Variants in USH2A observed in about 807,000 individuals in gnomAD.
USH2A encodes usherin.
Under a neutral mutation model 538.9 loss-of-function variants are expected in USH2A, and 443 were observed. The ratio of observed to expected loss-of-function variants is 0.82; its 90% CI spans 0.76 to 0.89. The LOEUF (loss-of-function observed/expected upper bound fraction) is 0.89. USH2A is among the 40% of genes least tolerant of loss of function. The pLI, the probability that USH2A is intolerant of heterozygous loss-of-function variation, is 0.00. For synonymous variants in USH2A, 2,413 were observed against 2,273.5 expected, an observed-to-expected ratio of 1.06 and a Z score of -1.75; for missense variants, 6,633 against 6,324.8, an observed-to-expected ratio of 1.05 and a Z score of -1.65.
At chr1:215,843,986 C>A (rs911610268) in intron 46 of USH2A, among the ~76,000 whole-genome samples, 2 of 152,070 alleles carry the variant, frequency 1.3e-5, no homozygotes, top group African/African-American at 4.8e-5. Context: ...GTAAAAGATC[C>A]TGGGAAAAGG....
In USH2A at chr1:215,889,029, A is replaced by C. The variant is rs1665142264; in HGVS notation, c.7620T>G (p.Ile2540Met). The change falls in exon 41 of 72, where the codon ATT becomes ATG. Residue 2540 changes from isoleucine (I) to methionine (M), a missense_variant. Ile to Met is a conservative substitution (Grantham distance 10). Coordinates refer to ENST00000307340, the MANE Select transcript of USH2A (RefSeq NM_206933.4). ...TCATTCTTGACTTCACATCCAGAAG[A>C]ATCGGAGGAACTACAGGTCCAGGTT... ...EDKPGPVVPPILLDVKSRMML... is the reference protein window; with the variant it reads ...EDKPGPVVPPMLLDVKSRMML... 1 of 1,613,846 alleles carries C rather than the reference A, an allele frequency of 6.2e-7. No homozygotes were observed. Among genetic ancestry groups the C allele is most frequent in the South Asian group, 1.1e-5 (1 of 91,088 alleles).
chr1:216,149,244 C>A (rs968058973), intron 21 of USH2A, among the ~76,000 whole-genome samples: 1 of 152,120 alleles, frequency 6.6e-6, no homozygotes, highest in Non-Finnish European at 1.5e-5. Context: ...TAAGTAGAGG[C>A]CTTTCCTACC....
chr1:216,415,291 A>G (rs1311044910), intron 3 of USH2A, among the ~76,000 whole-genome samples: 1 of 152,084 alleles, frequency 6.6e-6, no homozygotes, highest in African/African-American at 2.4e-5. Context: ...AGGAAAACTG[A>G]GTCAAATGAC....
At chr1:215,833,067 C>G (rs571534699) in intron 47 of USH2A, among the ~76,000 whole-genome samples, 1 of 151,984 alleles carries the variant, frequency 6.6e-6, no homozygotes, top group African/African-American at 2.4e-5. Context: ...AAAGAAGATG[C>G]AAATAAATGA....
chr1:215,823,530 AT>A (rs1203649399), intron 47 of USH2A, among the ~76,000 whole-genome samples: 2 of 152,012 alleles, frequency 1.3e-5, no homozygotes, highest in Non-Finnish European at 2.9e-5. Context: ...TCTTATTTTA[AT>A]CAAATCTGGT....
intron 8 of USH2A, 146 bp from the exon 9 acceptor site, chr1:216,322,122 G>A: frequency 3.8e-6 from 3 of 797,632 alleles, no homozygotes; most frequent in South Asian, 2.9e-5. Flanking sequence ...CTCCTTAATC[G>A]TGTGGATATC....
chr1:216,009,564 A>G (rs914795794), intron 32 of USH2A, among the ~76,000 whole-genome samples: 2 of 151,972 alleles, frequency 1.3e-5, no homozygotes, highest in East Asian at 3.9e-4. Flanking sequence ...ACTCGTCCCA[A>G]ATCTTCCTTC....
At position 215,790,240 on chromosome 1, in the gene USH2A, G is replaced by A. The variant is rs1299097473; in HGVS notation, c.10001C>T (p.Thr3334Ile). 1.2e-6 allele frequency: 2 copies of A among 1,613,916 alleles called. No individual in the cohort carries two copies. The highest frequency in any genetic ancestry group is 1.3e-5 in the African/African-American group (1 of 74,900). ...CGQDYVNMSD[T>I]ICCSASSGES... is the part of the protein sequence containing the mutation. ...TCCACTGGAAGCTGAGCAGCATATG[G>A]TATCTGACATATTCACATAATCCTG... The change falls in exon 51 of 72, where the codon ACC (threonine) becomes ATC (isoleucine). Residue 3334 changes from threonine to isoleucine, a missense_variant. Transcript: ENST00000307340.
chr1:215,741,757 T>C (rs1260321537), intron 59 of USH2A, among the ~76,000 whole-genome samples: 1 of 152,158 alleles, frequency 6.6e-6, no homozygotes, highest in African/African-American at 2.4e-5. Flanking sequence ...TATATAGACA[T>C]AAACAATAAG....
At chr1:216,138,470 T>C (rs534845445) in intron 21 of USH2A, among the ~76,000 whole-genome samples, 4 of 152,296 alleles carry the variant, frequency 2.6e-5, no homozygotes, top group African/African-American at 9.6e-5. Context: ...GGTGATAAGC[T>C]TCAATTAATT....
At chr1:216,269,676 G>T (rs1314226318) in intron 11 of USH2A, among the ~76,000 whole-genome samples, 1 of 152,120 alleles carries the variant, frequency 6.6e-6, no homozygotes, top group Non-Finnish European at 1.5e-5. Context: ...AAGTGGTCAA[G>T]TTGTTACTTT....
At chr1:215,928,727 G>A (rs1378378725) in intron 38 of USH2A, among the ~76,000 whole-genome samples, 1 of 152,062 alleles carries the variant, frequency 6.6e-6, no homozygotes, top group African/African-American at 2.4e-5. Context: ...TAAGCCAGGA[G>A]AACCATGCTG....
chr1:216,356,403 T>G (rs1229765651), intron 4 of USH2A, among the ~76,000 whole-genome samples: 1 of 152,108 alleles, frequency 6.6e-6, no homozygotes, highest in Non-Finnish European at 1.5e-5. Context: ...TATAAAATTA[T>G]AGTTTACTGA....
At chr1:215,691,103 C>G (rs6693138) in intron 61 of USH2A, among the ~76,000 whole-genome samples, 7 of 151,970 alleles carry the variant, frequency 4.6e-5, no homozygotes, top group Admixed American at 4.6e-4. Context: ...AGGCTGGTCT[C>G]GAACTCCTGA....
chr1:215,716,081 A>T (rs1202735684), intron 61 of USH2A, among the ~76,000 whole-genome samples: 2 of 151,518 alleles, frequency 1.3e-5, no homozygotes, highest in African/African-American at 4.8e-5. Context: ...CAGCAGCCAG[A>T]TGGTATCTCT....
chr1:215,745,745 C>T (rs964096716), intron 58 of USH2A, among the ~76,000 whole-genome samples: 19 of 152,154 alleles, frequency 1.2e-4, no homozygotes, highest in African/African-American at 4.3e-4. Flanking sequence ...GATATCAACA[C>T]TTATATCAAT....
At position 215,623,431 on chromosome 1, in the gene USH2A, G is replaced by C. The variant is rs1203117096; in HGVS notation, c.*2350C>G. The stretch of plus-strand genomic sequence containing the variant: ...TTAGAACACCTGGAAGCTTTAAAAA[G>C]TACTGATGCCTCAGCCACACACCCC... On this transcript the variant is annotated 3_prime_UTR_variant, in exon 72 of 72. Transcript: ENST00000307340. 1 of 151,310 alleles carries C rather than the reference G, an allele frequency of 6.6e-6. No individual in the cohort carries two copies. The highest frequency in any genetic ancestry group is 1.5e-5 in the Non-Finnish European group (1 of 67,596). The allele number at this position is 151,310 out of a possible 1,614,324, so 9.4% of individuals were successfully genotyped here.
intron 3 of USH2A, among the ~76,000 whole-genome samples, chr1:216,368,174 T>C (rs2038635621): frequency 6.6e-6 from 1 of 151,624 alleles, no homozygotes; most frequent in Non-Finnish European, 1.5e-5. Context: ...TGTGATAGAT[T>C]GTACTCATCC....
chr1:216,359,804 T>C (rs544196015), intron 4 of USH2A, among the ~76,000 whole-genome samples: 132 of 152,106 alleles, frequency 8.7e-4, no homozygotes, highest in African/African-American at 3.0e-3. Context: ...ATATAAAAAC[T>C]GATTAGATTT....
Sources: allele counts gnomAD v4.1 joint callset (sites outside exome capture counted in the v4.1 genomes callset), GRCh38; gene constraint gnomAD v4.1.1; transcripts MANE v1.5; gene names NCBI Gene and HGNC (gene_info 2026-07-23, HGNC 2026-07-21).